Variants in IL1RAPL2 observed in about 807,000 individuals in gnomAD.
IL1RAPL2 encodes interleukin 1 receptor accessory protein like 2.
Under a neutral mutation model 44.1 loss-of-function variants are expected in IL1RAPL2, and 3 were observed. The ratio of observed to expected loss-of-function variants is 0.07; its 90% CI spans 0.03 to 0.18. The LOEUF (loss-of-function observed/expected upper bound fraction) is 0.18, where lower values mean the gene tolerates loss of function less well. Among genes scored for constraint, IL1RAPL2 ranks in the 10% least tolerant of loss-of-function variants. The pLI is 1.00. For missense variants in IL1RAPL2, 391 were observed against 496.4 expected, an observed-to-expected ratio of 0.79 and a Z score of 2.02; for synonymous variants, 181 against 178.8, an observed-to-expected ratio of 1.01 and a Z score of -0.10.
At chrX:105,544,091 C>T (rs953140370) in intron 6 of IL1RAPL2, among the ~76,000 whole-genome samples, 1 of 111,702 alleles carries the variant, frequency 9.0e-6, no homozygotes, top group Admixed American at 9.5e-5. Context: ...TTTAATTTCT[C>T]TCAACAACAT....
chrX:104,767,544 T>A, intron 2 of IL1RAPL2, among the ~76,000 whole-genome samples: 1 of 111,739 alleles, frequency 8.9e-6, no homozygotes. Context: ...CTGCTTGCAA[T>A]GAGCGTACTT....
At chrX:105,521,158 A>T (rs1408839812) in intron 6 of IL1RAPL2, among the ~76,000 whole-genome samples, 8 of 101,187 alleles carry the variant, frequency 7.9e-5, no homozygotes, top group African/African-American at 2.9e-4. Flanking sequence ...GTGAACCAGG[A>T]TGGTCACGAT....
At chrX:105,301,036 TAAG>T (rs1431860321) in intron 5 of IL1RAPL2, among the ~76,000 whole-genome samples, 1 of 111,546 alleles carries the variant, frequency 9.0e-6, no homozygotes, top group Non-Finnish European at 1.9e-5. Flanking sequence ...TGTAGACAAA[TAAG>T]AAAAACTCAA....
intron 2 of IL1RAPL2, among the ~76,000 whole-genome samples, chrX:105,066,044 G>A (rs1489687249): frequency 9.0e-6 from 1 of 111,313 alleles, no homozygotes; most frequent in African/African-American, 3.3e-5. Context: ...GGTGGGAGAC[G>A]GGCTATAGCT....
intron 1 of IL1RAPL2, among the ~76,000 whole-genome samples, chrX:104,640,413 G>T (rs749567840): frequency 1.8e-5 from 2 of 111,180 alleles, no homozygotes; most frequent in South Asian, 7.3e-4. Flanking sequence ...TCTTTGTATT[G>T]TGTATCTGAG....
intron 2 of IL1RAPL2, among the ~76,000 whole-genome samples, chrX:104,888,285 A>T (rs1411320561): frequency 9.2e-6 from 1 of 108,343 alleles, no homozygotes; most frequent in Non-Finnish European, 1.9e-5. Flanking sequence ...AAGGAAGGAG[A>T]GAGAGAGGAG....
intron 1 of IL1RAPL2, chrX:104,647,810 G>A: frequency 1.8e-6 from 1 of 543,066 alleles, no homozygotes. Flanking sequence ...AAAGATAATT[G>A]GTTTCTGTAC....
At chrX:105,107,487 G>A (rs2032755486) in intron 2 of IL1RAPL2, among the ~76,000 whole-genome samples, 1 of 112,289 alleles carries the variant, frequency 8.9e-6, no homozygotes, top group African/African-American at 3.2e-5. Flanking sequence ...AGACACTGAC[G>A]AATTAATGAA....
At chrX:105,275,635 A>T (rs757206750) in intron 5 of IL1RAPL2, among the ~76,000 whole-genome samples, 58 of 110,834 alleles carry the variant, frequency 5.2e-4, no homozygotes, top group African/African-American at 1.9e-3. Context: ...GGTACAAATA[A>T]GACAACTTTG....
chrX:105,318,208 C>T (rs949617548), intron 5 of IL1RAPL2, among the ~76,000 whole-genome samples: 1 of 110,958 alleles, frequency 9.0e-6, no homozygotes, highest in African/African-American at 3.3e-5. Flanking sequence ...CTGCTGACCT[C>T]GTGATCCGCC....
At chrX:105,670,613 C>CT (rs2037816030) in intron 6 of IL1RAPL2, among the ~76,000 whole-genome samples, 1 of 82,959 alleles carries the variant, frequency 1.2e-5, no homozygotes, top group African/African-American at 4.1e-5. Context: ...TTGTCTATAT[C>CT]TAAAAAAAAA....
intron 5 of IL1RAPL2, among the ~76,000 whole-genome samples, chrX:105,369,329 G>C (rs1020143685): frequency 9.0e-6 from 1 of 111,136 alleles, no homozygotes; most frequent in Non-Finnish European, 1.9e-5. Context: ...AGCCCACCCA[G>C]AGATTCTTAG....
intron 2 of IL1RAPL2, among the ~76,000 whole-genome samples, chrX:104,847,392 G>T (rs1922084248): frequency 9.0e-6 from 1 of 111,708 alleles, no homozygotes; most frequent in Non-Finnish European, 1.9e-5. Flanking sequence ...AAGGGATCCA[G>T]TTTCAGCTTT....
intron 2 of IL1RAPL2, among the ~76,000 whole-genome samples, chrX:104,958,857 A>T (rs985145295): frequency 2.7e-5 from 3 of 110,423 alleles, no homozygotes; most frequent in Admixed American, 2.0e-4. Flanking sequence ...AGCATGGCAG[A>T]TTAAAAGCCC....
chrX:105,663,934 C>T (rs2147848735), intron 6 of IL1RAPL2, among the ~76,000 whole-genome samples: 1 of 111,994 alleles, frequency 8.9e-6, no homozygotes, highest in South Asian at 3.7e-4. Context: ...TTGAAAAATG[C>T]CTTTTTATTT....
At chrX:105,176,294 G>A (rs912963827) in intron 2 of IL1RAPL2, among the ~76,000 whole-genome samples, 5 of 111,200 alleles carry the variant, frequency 4.5e-5, no homozygotes, top group Admixed American at 9.5e-5. Flanking sequence ...GGAAAAAGGT[G>A]AGGCCAGCAT....
intron 2 of IL1RAPL2, among the ~76,000 whole-genome samples, chrX:104,891,210 T>G (rs1602786949): frequency 8.9e-6 from 1 of 111,960 alleles, no homozygotes; most frequent in East Asian, 2.8e-4. Flanking sequence ...AGACTTGCAG[T>G]ATAGTTTGAA....
chrX:105,668,480 G>A (rs1487354830), intron 6 of IL1RAPL2, among the ~76,000 whole-genome samples: 4 of 112,565 alleles, frequency 3.6e-5, no homozygotes, highest in Non-Finnish European at 7.5e-5. Context: ...CAATCTCTAT[G>A]ACCTTGAGAG....
intron 2 of IL1RAPL2, among the ~76,000 whole-genome samples, chrX:105,156,850 T>G (rs1282943618): frequency 2.7e-5 from 3 of 111,503 alleles, no homozygotes; most frequent in Non-Finnish European, 5.7e-5. Context: ...AACATACAAT[T>G]ACACGTTACC....
Sources: allele counts gnomAD v4.1 joint callset (sites outside exome capture counted in the v4.1 genomes callset), GRCh38; gene constraint gnomAD v4.1.1; transcripts MANE v1.5; gene names NCBI Gene and HGNC (gene_info 2026-07-23, HGNC 2026-07-21).